ABCB9: variants seen among roughly 807,000 people sequenced by gnomAD.
The protein encoded by ABCB9 is ABC-type oligopeptide transporter ABCB9.
In ABCB9, 36 loss-of-function variants were observed where a neutral mutation model predicts 62.0. The observed-to-expected ratio is 0.58, with a 90% CI of 0.45 to 0.77. The LOEUF (loss-of-function observed/expected upper bound fraction) is 0.77. Among genes scored for constraint, ABCB9 ranks in the 30% least tolerant of loss-of-function variants. ABCB9 has a pLI of 0.00. For synonymous variants in ABCB9, 435 were observed against 461.4 expected (o/e 0.94, Z 0.73); for missense variants, 943 against 1,054.7 (o/e 0.89, Z 1.47).
intron 2 of ABCB9, among the ~76,000 whole-genome samples, chr12:122,957,702 T>TC (rs1446198993): frequency 6.7e-6 from 1 of 148,804 alleles, no homozygotes; most frequent in African/African-American, 2.5e-5. Context: ...GCTGAGAGTT[T>TC]TTTTTTTTTT....
rs57853191 is a variant in ABCB9 at position 122,973,578 on chromosome 12, G to GAAAA, written c.-88+1133_-88+1136dup. Among the ~76,000 whole-genome samples the GAAAA allele has an allele frequency of 9.6e-3, 483 of 50,324 alleles. 5 individuals carry two copies. The highest frequency in any genetic ancestry group is 0.024 in the African/African-American group (329 of 13,932). The allele number at this position is 50,324 out of a possible 152,430, so 33.0% of individuals were successfully genotyped here. ...AGAGCGAGACTCCGTCTCAAAAAAA[G>GAAAA]AAAAAAAAAAAAAAAAAAAAAAAAA... On this transcript the variant is annotated intron_variant, in intron 1 of 11. Coordinates refer to the ABCB9 transcript ENST00000392439.
At position 122,949,996 on chromosome 12, in the gene ABCB9, C is replaced by T. The variant is rs573857736; in HGVS notation, c.717-78G>A. 148 of 1,588,350 alleles carry T rather than the reference C, an allele frequency of 9.3e-5. 1 individual carries two copies. Among genetic ancestry groups the T allele is most frequent in the Non-Finnish European group, 1.2e-4 (138 of 1,163,090 alleles). ...ACACCCGGCTGCCCCCTCCCGCTGC[C>T]GGCAGGCCTGGGAGCCCCACCGCAG... On this transcript the variant is annotated intron_variant, in intron 3 of 11. Coordinates refer to ENST00000280560, the MANE Select transcript of ABCB9 (RefSeq NM_019625.4).
At position 122,930,698 on chromosome 12, in the gene ABCB9, C is replaced by T. The variant is rs1448533464; in HGVS notation, c.2041-527G>A. On this transcript the variant is annotated intron_variant, in intron 11 of 11. Transcript: ENST00000280560. This position sits in a 1 kb window ranked among gnomAD's most constrained non-coding sequence, Gnocchi z 4.9. Reference sequence around the variant, plus strand: ...TGCTGGGATTACAGGTGTGAGCCACCGCGCCTGGCCTTCCTTGTTTCTTAT... The same window carrying T: ...TGCTGGGATTACAGGTGTGAGCCACTGCGCCTGGCCTTCCTTGTTTCTTAT... 3.3e-5 allele frequency among the ~76,000 whole-genome samples: 5 copies of T among 151,672 alleles called. No individual in the cohort carries two copies. Among genetic ancestry groups the T allele is most frequent in the Admixed American group, 2.0e-4 (3 of 15,246 alleles).
At chr12:122,934,013 G>T (rs2035328610) in intron 10 of ABCB9, among the ~76,000 whole-genome samples, 1 of 152,166 alleles carries the variant, frequency 6.6e-6, no homozygotes, top group African/African-American at 2.4e-5. Context: ...GGAAGCCAAG[G>T]CAGGCAGATC....
upstream of ABCB9, among the ~76,000 whole-genome samples, chr12:122,967,526 G>T (rs1167464936): frequency 2.0e-5 from 3 of 152,134 alleles, no homozygotes; most frequent in Non-Finnish European, 4.4e-5. Flanking sequence ...CTGAGACAGA[G>T]ACTCCAGGAT....
intron 1 of ABCB9, 60 bp from the exon 2 acceptor site, chr12:122,960,382 G>T: frequency 2.6e-6 from 3 of 1,144,996 alleles, no homozygotes; most frequent in African/African-American, 1.6e-5. Context: ...CGCTGGCTGT[G>T]TGACCTTGAG....
At chr12:122,938,193 C>T (rs933582674) in intron 9 of ABCB9, among the ~76,000 whole-genome samples, 2 of 152,100 alleles carry the variant, frequency 1.3e-5, no homozygotes, top group African/African-American at 4.8e-5. Context: ...TGTCCACATC[C>T]CACACTGGTA....
chr12:122,969,174 ACCCC>A (rs56058123), upstream of ABCB9, among the ~76,000 whole-genome samples: 1 of 138,382 alleles, frequency 7.2e-6, no homozygotes, highest in Non-Finnish European at 1.6e-5. Context: ...CATCCTTTCC[ACCCC>A]CCCCCCCCCC....
At chr12:122,954,483 A>G (rs1235025955) in intron 2 of ABCB9, among the ~76,000 whole-genome samples, 4 of 150,496 alleles carry the variant, frequency 2.7e-5, no homozygotes, top group Non-Finnish European at 5.9e-5. Context: ...GGTGTGAGCC[A>G]CCGTGCCCGG....
At chr12:122,968,979 C>T (rs553745316), upstream of ABCB9, among the ~76,000 whole-genome samples, 1 of 152,248 alleles carries the variant, frequency 6.6e-6, no homozygotes, top group East Asian at 1.9e-4. Flanking sequence ...CTGGCCACTG[C>T]GTCCCTTTCA....
At chr12:122,927,511 G>T (rs138425367), downstream of ABCB9, among the ~76,000 whole-genome samples, 22 of 152,314 alleles carry the variant, frequency 1.4e-4, no homozygotes, top group East Asian at 3.9e-3. Flanking sequence ...CTCCTAAAAA[G>T]AAGGTAATTC....
rs773100436 is a variant in ABCB9, at chr12:122,935,299, T to C, written c.1876A>G (p.Met626Val). 4 of 1,612,408 alleles carry C rather than the reference T, an allele frequency of 2.5e-6. No individual in the cohort carries two copies. Among genetic ancestry groups the C allele is most frequent in the African/African-American group, 2.7e-5 (2 of 74,876 alleles). ...AQKANAHGFI[M>V]ELQDGYSTET... is the part of the protein sequence containing the mutation. Reference sequence around the variant, plus strand: ...GTGCTGTAGCCGTCCTGGAGTTCCATGATGAAGCCGTGGGCATTGGCCTTC... The same window carrying C: ...GTGCTGTAGCCGTCCTGGAGTTCCACGATGAAGCCGTGGGCATTGGCCTTC... Residue 626 changes from methionine (M) to valine (V), a missense_variant, in exon 10 of 12, where the codon ATG becomes GTG. Physicochemically the swap from Met to Val is conservative, Grantham distance 21. Transcript: ENST00000280560.
chr12:122,958,368 ATGTGGG>A (rs1412170044), intron 2 of ABCB9, among the ~76,000 whole-genome samples: 2 of 152,164 alleles, frequency 1.3e-5, no homozygotes, highest in Non-Finnish European at 2.9e-5. Flanking sequence ...ACATAAAACA[ATGTGGG>A]TGAGAGGTGG....
Position 122,959,874 on chromosome 12 carries a change from A to G in ABCB9, c.362T>C (p.Val121Ala). Residue 121 changes from valine (V) to alanine (A), a missense_variant, in exon 2 of 12, where the codon GTG becomes GCG. Coordinates refer to ENST00000280560, the MANE Select transcript of ABCB9 (RefSeq NM_019625.4). The surrounding 1 kb of genome is among the most constrained non-coding windows in gnomAD (Gnocchi z 5.4). The part of the protein sequence containing the change: ...IRDPWFWALF[V>A]WTYISLGASF... Reference sequence around the variant, plus strand: ...TGCGCCGAGTGAAATGTACGTCCACACGAACAGGGCCCAAAACCAGGGGTC... The same window carrying G: ...TGCGCCGAGTGAAATGTACGTCCACGCGAACAGGGCCCAAAACCAGGGGTC... 6.2e-7 allele frequency: 1 copy of G among 1,613,524 alleles called. No individual in the cohort carries two copies. Among genetic ancestry groups the G allele is most frequent in the Non-Finnish European group, 8.5e-7 (1 of 1,179,888 alleles).
At chr12:122,926,462 G>A (rs1041602278), downstream of ABCB9, among the ~76,000 whole-genome samples, 9 of 152,114 alleles carry the variant, frequency 5.9e-5, no homozygotes, top group East Asian at 1.9e-4. Context: ...CAGGAGAATC[G>A]CTTGAACCAG....
intron 1 of ABCB9, among the ~76,000 whole-genome samples, chr12:122,965,632 G>T (rs1182813110): frequency 6.6e-6 from 1 of 152,202 alleles, no homozygotes; most frequent in East Asian, 1.9e-4. Context: ...CTTGTCACCC[G>T]GCCCTGCACT....
chr12:122,957,264 A>C (rs1021100596), intron 2 of ABCB9, among the ~76,000 whole-genome samples: 1 of 152,040 alleles, frequency 6.6e-6, no homozygotes, highest in African/African-American at 2.4e-5. Context: ...GAGTGGTCTC[A>C]AACTCCTGGG....
At position 122,947,784 on chromosome 12, in the gene ABCB9, C is replaced by T. The variant is rs888030157; in HGVS notation, c.1053+840G>A. 6.8e-5 allele frequency: 13 copies of T among 190,506 alleles called. No individual in the cohort carries two copies. The highest frequency in any genetic ancestry group is 1.3e-4 in the Non-Finnish European group (11 of 87,540). 11.8% of individuals were successfully genotyped at this position (190,506 alleles called of 1,614,324 possible). On this transcript the variant is annotated intron_variant, in intron 5 of 11. Coordinates refer to ENST00000280560, the MANE Select transcript of ABCB9 (RefSeq NM_019625.4). The surrounding 1 kb of genome is among the most constrained non-coding windows in gnomAD (Gnocchi z 6.0). ...GCCCGCGATGGCATCACAGCGGGCC[C>T]GCACCACCCCCACATACACACCAGG...
chr12:122,968,666 G>A (rs1198344213), upstream of ABCB9, among the ~76,000 whole-genome samples: 1 of 124,688 alleles, frequency 8.0e-6, no homozygotes, highest in Non-Finnish European at 1.6e-5. Context: ...TTGAGATGGA[G>A]TCTTGCTCTG....
Sources: allele counts gnomAD v4.1 joint callset (sites outside exome capture counted in the v4.1 genomes callset), GRCh38; gene constraint gnomAD v4.1.1; non-coding constraint Gnocchi (gnomAD v3.1); transcripts MANE v1.5; gene names NCBI Gene and HGNC (gene_info 2026-07-23, HGNC 2026-07-21).